Variants in SCYL2 observed in about 807,000 individuals in gnomAD.
SCYL2 encodes the protein SCY1 like pseudokinase 2, also known as SCY1-like protein 2.
In SCYL2, 36 loss-of-function variants were observed where a neutral mutation model predicts 100.4. The ratio of observed to expected loss-of-function variants is 0.36; its 90% CI spans 0.27 to 0.47. SCYL2 has a LOEUF of 0.47. Ranked by LOEUF, SCYL2 falls within the 20% of genes least tolerant of loss-of-function variation. The pLI, the probability that SCYL2 is intolerant of heterozygous loss-of-function variation, is 1.00. For missense variants in SCYL2, 902 were observed against 1,083.9 expected, an observed-to-expected ratio of 0.83 and a Z score of 2.36; for synonymous variants, 330 against 359.2, an observed-to-expected ratio of 0.92 and a Z score of 0.92.
chr12:100,280,150 T>C (rs2096296540), intron 1 of SCYL2, among the ~76,000 whole-genome samples: 1 of 152,210 alleles, frequency 6.6e-6, no homozygotes, highest in African/African-American at 2.4e-5. Flanking sequence ...ATGTGTTTAA[T>C]ACATTTTGTT....
chr12:100,332,104 G>A (rs750329941), intron 13 of SCYL2, among the ~76,000 whole-genome samples: 16 of 152,154 alleles, frequency 1.1e-4, no homozygotes, highest in Non-Finnish European at 8.8e-5. Flanking sequence ...GGGAAACCAG[G>A]CACAAGCTTC....
intron 1 of SCYL2, among the ~76,000 whole-genome samples, chr12:100,276,820 A>G (rs1053628805): frequency 4.0e-5 from 6 of 151,550 alleles, no homozygotes; most frequent in African/African-American, 1.5e-4. Flanking sequence ...CTCTTTTTCT[A>G]GCTTCCTAAG....
chr12:100,334,182 C>T lies in SCYL2; in HGVS notation c.1778C>T (p.Ser593Phe). ...LNLNQFNSFI[S>F]VIKEMLNRLE... Reference sequence around the variant, plus strand: ...TTATACCAGTTCAATTCTTTCATTTCCGTCATAAAAGAAATGCTTAATAGA... The same window carrying T: ...TTATACCAGTTCAATTCTTTCATTTTCGTCATAAAAGAAATGCTTAATAGA... The change falls in exon 14 of 18, where the codon TCC becomes TTC. Residue 593 changes from serine to phenylalanine, a missense_variant. Coordinates refer to ENST00000360820, the MANE Select transcript of SCYL2 (RefSeq NM_017988.6). The T allele has an allele frequency of 6.3e-7, 1 of 1,595,414 alleles. No homozygotes were observed.
rs555838831 is a variant in SCYL2 at position 100,318,565 on chromosome 12, C to G, written c.1395+640C>G. On this transcript the variant is annotated intron_variant, in intron 10 of 17. Transcript: ENST00000360820. ...CAGGCTGGTCTCGAACTCCTGACCT[C>G]AGGTGGTCCTCGTGCCTCAGCCTCC... 2.0e-5 allele frequency among the ~76,000 whole-genome samples: 3 copies of G among 152,316 alleles called. No individual in the cohort carries two copies. The South Asian group carries it at 6.2e-4, about 32-fold the overall frequency.
chr12:100,293,736 G>T (rs1382782855), intron 3 of SCYL2, among the ~76,000 whole-genome samples: 3 of 151,962 alleles, frequency 2.0e-5, no homozygotes, highest in African/African-American at 7.3e-5. Context: ...GACTCTTAAC[G>T]AGCATGCTGC....
intron 2 of SCYL2, among the ~76,000 whole-genome samples, chr12:100,289,174 C>T (rs1466207834): frequency 1.3e-5 from 2 of 152,118 alleles, no homozygotes; most frequent in Non-Finnish European, 2.9e-5. Context: ...TCCTGTGCCT[C>T]GTAATGATCA....
chr12:100,321,374 G>A (rs561856347), intron 10 of SCYL2, among the ~76,000 whole-genome samples: 3 of 152,044 alleles, frequency 2.0e-5, no homozygotes, highest in Non-Finnish European at 4.4e-5. Context: ...CTTATGCTTT[G>A]CTACAAGGAT....
intron 3 of SCYL2, among the ~76,000 whole-genome samples, chr12:100,295,399 CG>C (rs1183803910): frequency 6.6e-6 from 1 of 152,184 alleles, no homozygotes; most frequent in South Asian, 2.1e-4. Flanking sequence ...GCACTCCAGC[CG>C]GGGCACCATT....
chr12:100,328,433 T>C (rs943068238), intron 12 of SCYL2, among the ~76,000 whole-genome samples: 1 of 152,170 alleles, frequency 6.6e-6, no homozygotes. Context: ...GAGACTTCAC[T>C]GAAACAAAGG....
intron 1 of SCYL2, among the ~76,000 whole-genome samples, chr12:100,272,234 C>T (rs150249529): frequency 6.6e-6 from 1 of 152,168 alleles, no homozygotes; most frequent in African/African-American, 2.4e-5. Context: ...TAAGAATTTC[C>T]ATCATTTATA....
rs2096297553 is a variant in SCYL2, at chr12:100,281,019, G to GTTTTGTTTTTTTTTT, written c.-28-1920_-28-1919insGTTTTTTTTTTTTTT. Among the ~76,000 whole-genome samples the GTTTTGTTTTTTTTTT allele has an allele frequency of 1.0e-3, 52 of 50,490 alleles. 2 individuals carry two copies. The highest frequency in any genetic ancestry group is 3.4e-3 in the African/African-American group (50 of 14,520). The allele number at this position is 50,490 out of a possible 152,430, so 33.1% of individuals were successfully genotyped here. A position where few individuals can be genotyped will look rare whatever the true frequency, so the allele number is the denominator to read the frequency against. On this transcript the variant is annotated intron_variant, in intron 1 of 17. Coordinates refer to ENST00000360820, the MANE Select transcript of SCYL2 (RefSeq NM_017988.6). ...ATTTTATTGTCCCTTTACCATCAGT[G>GTTTTGTTTTTTTTTT]TTTTTTTTTTTTTTTTTTTTTTTTT...
chr12:100,308,666 A>C, intron 4 of SCYL2, among the ~76,000 whole-genome samples: 1 of 152,158 alleles, frequency 6.6e-6, no homozygotes, highest in East Asian at 1.9e-4. Context: ...AAAAAGAAAG[A>C]AATTGCAGTC....
intron 1 of SCYL2, among the ~76,000 whole-genome samples, chr12:100,278,420 G>A (rs1251659811): frequency 6.6e-6 from 1 of 151,898 alleles, no homozygotes; most frequent in Non-Finnish European, 1.5e-5. Context: ...GGCTCATCTC[G>A]AACTGCTGGG....
At chr12:100,268,976 C>T (rs1477838967) in intron 1 of SCYL2, among the ~76,000 whole-genome samples, 4 of 152,190 alleles carry the variant, frequency 2.6e-5, no homozygotes, top group African/African-American at 7.2e-5. Flanking sequence ...TCCAAGCCAC[C>T]ACCATCTCTC....
At chr12:100,299,020 A>T (rs2096324327) in intron 4 of SCYL2, among the ~76,000 whole-genome samples, 2 of 152,162 alleles carry the variant, frequency 1.3e-5, no homozygotes, top group African/African-American at 4.8e-5. Flanking sequence ...ACTTGAGCTC[A>T]GGAGTTTGAG....
At position 100,338,704 on chromosome 12, in the gene SCYL2, T is replaced by C. The variant is rs1332743514; in HGVS notation, c.2322T>C (p.Asn774=). 2.5e-6 allele frequency: 4 copies of C among 1,613,978 alleles called. No homozygotes were observed. Among genetic ancestry groups the C allele is most frequent in the Admixed American group, 1.7e-5 (1 of 59,994 alleles). ...AGAGAAATTTGACAAATGGCCTAAA[T>C]GCCAATATGGGCTTTCAGACTTCAG... ...NTKRNLTNGL[N]ANMGFQTSGF... is the part of the protein sequence containing the mutation. Residue 774 remains asparagine, a synonymous_variant, in exon 18 of 18, where the codon AAT becomes AAC. Coordinates refer to ENST00000360820, the MANE Select transcript of SCYL2 (RefSeq NM_017988.6).
Position 100,287,279 on chromosome 12 carries a change from T to C in SCYL2, c.177+4132T>C, listed in dbSNP as rs940062872. ...AAAATAGCTTCTTTGGTTTTTGTTG[T>C]TGTTGTTGTTGTTGTTGTTTTCCAG... On this transcript the variant is annotated intron_variant, in intron 2 of 17. Transcript: ENST00000360820. Among the ~76,000 whole-genome samples, 6 of 152,078 alleles carry C rather than the reference T, an allele frequency of 3.9e-5. No individual in the cohort carries two copies. The East Asian group carries it at 1.2e-3, about 29-fold the overall frequency.
rs1952326518 is a variant in SCYL2 at position 100,339,488 on chromosome 12, G to C, written c.*316G>C. The C allele has an allele frequency of 3.5e-6, 1 of 288,538 alleles. No homozygotes were observed. The highest frequency in any genetic ancestry group is 6.5e-6 in the Non-Finnish European group (1 of 154,066). The allele number at this position is 288,538 out of a possible 1,614,324, so 17.9% of individuals were successfully genotyped here. A position where few individuals can be genotyped will look rare whatever the true frequency, so the allele number is the denominator to read the frequency against. ...AACTTTTTAATCAAATGTTTATTTT[G>C]GCTTGTGGATCTTGGTGTTATTTAA... On this transcript the variant is annotated 3_prime_UTR_variant, in exon 18 of 18. Transcript: ENST00000360820.
At chr12:100,306,828 CA>C (rs2135889692) in intron 4 of SCYL2, among the ~76,000 whole-genome samples, 1 of 152,112 alleles carries the variant, frequency 6.6e-6, no homozygotes, top group African/African-American at 2.4e-5. Context: ...TAAAAAATAA[CA>C]AGCATTCCTA....
Sources: gnomAD v4.1 joint callset for allele counts (sites outside exome capture counted in the v4.1 genomes callset) on GRCh38, gnomAD v4.1.1 for gene constraint, MANE v1.5 for transcripts, NCBI Gene and HGNC (gene_info 2026-07-23, HGNC 2026-07-21) for gene names.